The following LTBP1 variants were observed in gnomAD, a reference collection of about 807,000 sequenced individuals.
The protein encoded by LTBP1 is latent-transforming growth factor beta-binding protein 1.
Under a neutral mutation model 207.6 loss-of-function variants are expected in LTBP1, and 129 were observed. The ratio of observed to expected loss-of-function variants is 0.62; its 90% CI spans 0.54 to 0.72. The LOEUF (loss-of-function observed/expected upper bound fraction) is 0.72, where lower values mean the gene tolerates loss of function less well. LTBP1 is among the 30% of genes least tolerant of loss of function. LTBP1 has a pLI of 0.00. For synonymous variants in LTBP1, 963 were observed against 833.7 expected, an observed-to-expected ratio of 1.16 and a Z score of -2.67; for missense variants, 2,281 against 2,217.2, an observed-to-expected ratio of 1.03 and a Z score of -0.58.
chr2:33,339,483 T>C (rs988988616), intron 24 of LTBP1, among the ~76,000 whole-genome samples: 2 of 152,170 alleles, frequency 1.3e-5, no homozygotes, highest in Non-Finnish European at 2.9e-5. Flanking sequence ...GTTAAGTGAT[T>C]TGGTGACGCG....
At chr2:33,391,565 C>T (rs2150635959) in intron 32 of LTBP1, among the ~76,000 whole-genome samples, 1 of 152,310 alleles carries the variant, frequency 6.6e-6, no homozygotes, top group East Asian at 1.9e-4. Context: ...GCTTTCCTCC[C>T]TAGACCTCCT....
chr2:33,108,615 G>A (rs2080207519), intron 3 of LTBP1, among the ~76,000 whole-genome samples: 1 of 152,098 alleles, frequency 6.6e-6, no homozygotes, highest in Non-Finnish European at 1.5e-5. Flanking sequence ...TTCTGGCTGT[G>A]GTTGGGGCAC....
chr2:33,260,794 T>C (rs1159861252), intron 13 of LTBP1, among the ~76,000 whole-genome samples: 1 of 152,198 alleles, frequency 6.6e-6, no homozygotes, highest in Non-Finnish European at 1.5e-5. Context: ...GAAGTAATTA[T>C]TTAGCTTGTA....
At chr2:33,081,587 C>T (rs775047870) in intron 3 of LTBP1, among the ~76,000 whole-genome samples, 6 of 151,976 alleles carry the variant, frequency 3.9e-5, no homozygotes, top group Non-Finnish European at 5.9e-5. Context: ...TTTGTTAGCA[C>T]GTTGGTTCTA....
At chr2:33,302,732 CAA>C (rs201159337) in intron 22 of LTBP1, among the ~76,000 whole-genome samples, 6,100 of 152,054 alleles carry the variant, frequency 0.04, 408 homozygotes, top group African/African-American at 0.13. Context: ...TCATGTTCCT[CAA>C]AGAGTTAATA....
chr2:33,156,437 G>A (rs1179618299), intron 5 of LTBP1, among the ~76,000 whole-genome samples: 1 of 152,192 alleles, frequency 6.6e-6, no homozygotes, highest in African/African-American at 2.4e-5. Flanking sequence ...GACTCAAGTT[G>A]TTCACTGAAT....
At chr2:32,970,894 AT>A (rs796721066) in intron 2 of LTBP1, among the ~76,000 whole-genome samples, 78 of 147,866 alleles carry the variant, frequency 5.3e-4, no homozygotes, top group East Asian at 1.4e-3. Context: ...ATGAGCATGG[AT>A]TTTTTTTTTC....
At chr2:33,206,128 G>C (rs191470482) in intron 7 of LTBP1, among the ~76,000 whole-genome samples, 12 of 152,330 alleles carry the variant, frequency 7.9e-5, no homozygotes, top group African/African-American at 2.9e-4. Context: ...GGGGAACAAT[G>C]GATGTTTCTG....
intron 5 of LTBP1, among the ~76,000 whole-genome samples, chr2:33,164,302 A>G (rs1243481421): frequency 7.5e-6 from 1 of 134,118 alleles, no homozygotes; most frequent in East Asian, 2.5e-4. Context: ...GTGAGCTGAG[A>G]TTGCGCCACT....
intron 31 of LTBP1, among the ~76,000 whole-genome samples, chr2:33,375,867 A>C (rs2095133890): frequency 6.6e-6 from 1 of 151,948 alleles, no homozygotes; most frequent in Non-Finnish European, 1.5e-5. Context: ...TGAACATTCA[A>C]TGTACTCAAT....
chr2:33,096,167 AG>A, intron 3 of LTBP1, among the ~76,000 whole-genome samples: 1 of 152,360 alleles, frequency 6.6e-6, no homozygotes. Flanking sequence ...TTGGAACAAT[AG>A]TACAAATGAT....
At chr2:33,260,627 C>T (rs1044607853) in intron 13 of LTBP1, among the ~76,000 whole-genome samples, 1 of 152,090 alleles carries the variant, frequency 6.6e-6, no homozygotes, top group South Asian at 2.1e-4. Context: ...TGATAGCACT[C>T]GTCCAGAAAG....
chr2:33,117,392 C>T lies in LTBP1; in HGVS notation c.1033+6641C>T, dbSNP rs145517321. On this transcript the variant is annotated intron_variant, in intron 4 of 33. Transcript: ENST00000404816. Reference sequence around the variant, plus strand: ...GTTTGATGGTAAATGCTTATGTCTCCCCTTGAAAAAGGAAGTTCACATGTC... The same window carrying T: ...GTTTGATGGTAAATGCTTATGTCTCTCCTTGAAAAAGGAAGTTCACATGTC... Among the ~76,000 whole-genome samples, 552 of 152,210 alleles carry T rather than the reference C, an allele frequency of 3.6e-3. 5 individuals are homozygous for T. Among genetic ancestry groups the T allele is most frequent in the African/African-American group, 0.013 (528 of 41,518 alleles).
intron 24 of LTBP1, among the ~76,000 whole-genome samples, chr2:33,334,932 T>A (rs1169579130): frequency 1.0e-4 from 14 of 134,908 alleles, no homozygotes; most frequent in Admixed American, 4.3e-4. Context: ...AAAAAAAAAA[T>A]GCCAGGCATG....
intron 4 of LTBP1, among the ~76,000 whole-genome samples, chr2:33,113,984 G>A (rs1219361348): frequency 6.6e-6 from 1 of 152,304 alleles, no homozygotes; most frequent in East Asian, 1.9e-4. Context: ...GGGATTACAG[G>A]TGTGTGCCAC....
Position 33,273,625 on chromosome 2 carries a change from T to G in LTBP1, c.2618-31T>G, listed in dbSNP as rs769292953. The G allele has an allele frequency of 3.3e-6, 5 of 1,502,684 alleles. No individual in the cohort carries two copies. In the South Asian group the frequency reaches 4.8e-5, roughly 14 times the overall value. The allele number at this position is 1,502,684 out of a possible 1,614,324, so 93.1% of individuals were successfully genotyped here. A position where few individuals can be genotyped will look rare whatever the true frequency, so the allele number is the denominator to read the frequency against. ...AGTGAAATCTGTTCATTTCTGTGGG[T>G]TTTTTCACATTATTTTATTTACTTT... On this transcript the variant is annotated intron_variant, in intron 15 of 33. Transcript: ENST00000404816.
intron 2 of LTBP1, among the ~76,000 whole-genome samples, chr2:33,020,366 A>T (rs1409661152): frequency 1.3e-5 from 2 of 152,106 alleles, no homozygotes; most frequent in Non-Finnish European, 2.9e-5. Context: ...CTTGGCAAAA[A>T]ATTTAGGCTT....
intron 3 of LTBP1, among the ~76,000 whole-genome samples, chr2:33,101,695 G>GT (rs2079751201): frequency 6.6e-6 from 1 of 152,110 alleles, no homozygotes; most frequent in Non-Finnish European, 1.5e-5. Context: ...TATTAGTTAG[G>GT]TTTTCTCTGG....
chr2:33,291,638 A>G (rs952591593), intron 19 of LTBP1: 1 of 152,170 alleles, frequency 6.6e-6, no homozygotes, highest in Non-Finnish European at 1.5e-5. Context: ...AGCTCACCAT[A>G]ATTAGTGATA....
Sources: allele counts gnomAD v4.1 joint callset (sites outside exome capture counted in the v4.1 genomes callset), GRCh38; gene constraint gnomAD v4.1.1; transcripts MANE v1.5; gene names NCBI Gene and HGNC (gene_info 2026-07-23, HGNC 2026-07-21).